HS3ST2: variants seen among roughly 807,000 people sequenced by gnomAD.
HS3ST2 encodes heparan sulfate glucosamine 3-O-sulfotransferase 2.
Under a neutral mutation model 26.3 loss-of-function variants are expected in HS3ST2, and 17 were observed. That is an observed-to-expected ratio of 0.65 (90% CI 0.44 to 0.97). HS3ST2 has a LOEUF of 0.97. Ranked by LOEUF, HS3ST2 falls within the 50% of genes least tolerant of loss-of-function variation. The pLI is 0.00. For synonymous variants in HS3ST2, 237 were observed against 219.2 expected, an observed-to-expected ratio of 1.08 and a Z score of -0.72; for missense variants, 402 against 501.2, an observed-to-expected ratio of 0.80 and a Z score of 1.89.
intron 1 of HS3ST2, among the ~76,000 whole-genome samples, chr16:22,844,273 T>A (rs1289712032): frequency 1.3e-5 from 2 of 152,160 alleles, no homozygotes; most frequent in African/African-American, 2.4e-5. Context: ...TTGGGATTCT[T>A]GCATCACACT....
intron 1 of HS3ST2, among the ~76,000 whole-genome samples, chr16:22,888,953 G>T (rs1902098883): frequency 6.6e-6 from 1 of 152,194 alleles, no homozygotes; most frequent in Non-Finnish European, 1.5e-5. Context: ...GCTAAAACAT[G>T]AATTCCTTAA....
intron 1 of HS3ST2, among the ~76,000 whole-genome samples, chr16:22,870,173 G>A (rs984896461): frequency 6.6e-6 from 1 of 152,070 alleles, no homozygotes; most frequent in Admixed American, 6.6e-5. Flanking sequence ...CCTGGGATAC[G>A]CTGCCCTCCT....
intron 1 of HS3ST2, among the ~76,000 whole-genome samples, chr16:22,899,874 A>G (rs374390591): frequency 6.7e-4 from 102 of 152,322 alleles, no homozygotes; most frequent in African/African-American, 2.2e-3. Flanking sequence ...ACACATAGGA[A>G]TTACGGGAGC....
chr16:22,895,081 T>TG (rs1028635461), intron 1 of HS3ST2, among the ~76,000 whole-genome samples: 2 of 151,684 alleles, frequency 1.3e-5, no homozygotes, highest in African/African-American at 4.8e-5. Flanking sequence ...TTTTTTTTTT[T>TG]TTTTTGTTGT....
At chr16:22,858,132 A>C (rs1901625044) in intron 1 of HS3ST2, among the ~76,000 whole-genome samples, 1 of 152,144 alleles carries the variant, frequency 6.6e-6, no homozygotes, top group African/African-American at 2.4e-5. Flanking sequence ...ATTTGCTAGC[A>C]AAACAGGGTG....
At chr16:22,892,136 A>G (rs1294551295) in intron 1 of HS3ST2, among the ~76,000 whole-genome samples, 2 of 151,266 alleles carry the variant, frequency 1.3e-5, no homozygotes, top group Admixed American at 6.6e-5. Flanking sequence ...AAAAAATACA[A>G]AAAGTTAGCC....
At chr16:22,849,428 CG>C (rs970216401) in intron 1 of HS3ST2, among the ~76,000 whole-genome samples, 3 of 151,788 alleles carry the variant, frequency 2.0e-5, no homozygotes, top group South Asian at 2.1e-4. Context: ...ATCTTTTTTG[CG>C]GGGGGGTATG....
intron 1 of HS3ST2, among the ~76,000 whole-genome samples, chr16:22,824,733 A>C (rs1485714306): frequency 1.3e-5 from 2 of 152,170 alleles, no homozygotes; most frequent in Non-Finnish European, 2.9e-5. Context: ...TGGTCCCTGG[A>C]ATTTCCCTTG....
intron 1 of HS3ST2, among the ~76,000 whole-genome samples, chr16:22,878,373 G>A (rs202112485): frequency 1.3e-5 from 2 of 152,160 alleles, no homozygotes; most frequent in African/African-American, 2.4e-5. Flanking sequence ...ACTGTTGCCC[G>A]CTGAAGGCTC....
chr16:22,865,710 A>G (rs191507133), intron 1 of HS3ST2, among the ~76,000 whole-genome samples: 19 of 152,322 alleles, frequency 1.2e-4, no homozygotes, highest in Admixed American at 1.1e-3. Context: ...TCTGACAACA[A>G]ACTCTGAATA....
intron 1 of HS3ST2, among the ~76,000 whole-genome samples, chr16:22,885,135 C>T (rs1285856567): frequency 6.6e-6 from 1 of 152,064 alleles, no homozygotes; most frequent in African/African-American, 2.4e-5. Context: ...GCCATCGCTC[C>T]CAGCCAACAT....
At chr16:22,854,579 T>G (rs903159925) in intron 1 of HS3ST2, 1 of 152,108 alleles carries the variant, frequency 6.6e-6, no homozygotes, top group African/African-American at 2.4e-5. Flanking sequence ...TTTCTCAGGC[T>G]TCTTATTATC....
At chr16:22,883,490 G>A (rs772650883) in intron 1 of HS3ST2, among the ~76,000 whole-genome samples, 89 of 152,360 alleles carry the variant, frequency 5.8e-4, no homozygotes, top group Non-Finnish European at 1.0e-3. Context: ...TATGTAGGGT[G>A]GGTAGGAAGT....
rs369099585 is a variant in HS3ST2, at chr16:22,910,933, TG to T, written c.486-4010del. Reference sequence around the variant, plus strand: ...TGGAGGAGAGGCAGGTTGAAGGAGTTGAGGTGTTAGGTTGAAAGCTTATGCC... The same window carrying T: ...TGGAGGAGAGGCAGGTTGAAGGAGTTAGGTGTTAGGTTGAAAGCTTATGCC... On this transcript the variant is annotated intron_variant, in intron 1 of 1. Coordinates refer to ENST00000261374, the MANE Select transcript of HS3ST2 (RefSeq NM_006043.2). 1.8e-3 allele frequency among the ~76,000 whole-genome samples: 268 copies of T among 152,106 alleles called. 1 individual carries two copies. Among genetic ancestry groups the T allele is most frequent in the African/African-American group, 6.3e-3 (261 of 41,484 alleles).
At chr16:22,871,139 C>T (rs1056729989) in intron 1 of HS3ST2, among the ~76,000 whole-genome samples, 4 of 152,120 alleles carry the variant, frequency 2.6e-5, no homozygotes, top group East Asian at 1.9e-4. Flanking sequence ...AGGTGGATCA[C>T]GAGATCAGGA....
chr16:22,824,407 C>T (rs955178891), intron 1 of HS3ST2, among the ~76,000 whole-genome samples: 1 of 152,130 alleles, frequency 6.6e-6, no homozygotes, highest in South Asian at 2.1e-4. Context: ...ATTAGCCGGG[C>T]GTGGTGGCAG....
At chr16:22,875,669 C>T (rs1176502321) in intron 1 of HS3ST2, among the ~76,000 whole-genome samples, 1 of 152,128 alleles carries the variant, frequency 6.6e-6, no homozygotes, top group Non-Finnish European at 1.5e-5. Context: ...CATGAGCCAC[C>T]GCAGTGTGGC....
intron 1 of HS3ST2, among the ~76,000 whole-genome samples, chr16:22,833,869 T>C (rs1490501626): frequency 6.6e-6 from 1 of 151,964 alleles, no homozygotes; most frequent in African/African-American, 2.4e-5. Flanking sequence ...GAATCCAGCA[T>C]AGCAGATAAA....
At chr16:22,907,080 C>A (rs1192039286) in intron 1 of HS3ST2, among the ~76,000 whole-genome samples, 3 of 152,040 alleles carry the variant, frequency 2.0e-5, no homozygotes, top group African/African-American at 7.2e-5. Flanking sequence ...TTTGGAAATG[C>A]GAGTAGGCAT....
Sources: allele counts gnomAD v4.1 joint callset (sites outside exome capture counted in the v4.1 genomes callset), GRCh38; gene constraint gnomAD v4.1.1; transcripts MANE v1.5; gene names NCBI Gene and HGNC (gene_info 2026-07-23, HGNC 2026-07-21).